TBCCD1: variants seen among roughly 807,000 people sequenced by gnomAD.
The protein encoded by TBCCD1 is TBCC domain-containing protein 1.
In TBCCD1, 26 loss-of-function variants were observed where a neutral mutation model predicts 53.4. That is an observed-to-expected ratio of 0.49 (90% CI 0.36 to 0.68). The LOEUF is 0.68. Ranked by LOEUF, TBCCD1 falls within the 30% of genes least tolerant of loss-of-function variation. TBCCD1 has a pLI of 0.00. For synonymous variants in TBCCD1, 245 were observed against 241.7 expected (o/e 1.01, Z -0.13); for missense variants, 558 against 669.5 (o/e 0.83, Z 1.84).
chr3:186,558,565 A>G lies in TBCCD1; in HGVS notation c.344T>C (p.Val115Ala), dbSNP rs570716144. 5 of 1,612,708 alleles carry G rather than the reference A, an allele frequency of 3.1e-6. No homozygotes were observed. In the African/African-American group the frequency reaches 5.3e-5, roughly 17 times the overall value. Residue 115 changes from valine to alanine, a missense_variant, in exon 3 of 8, where the codon GTG becomes GCG. By Grantham distance (64) the Val-to-Ala change is moderately conservative. Coordinates refer to ENST00000338733, the MANE Select transcript of TBCCD1 (RefSeq NM_018138.5). ...GAAGAGCAGAAACTGTAGCGTGTCCACTGAAAGCTGTCCAAGAAGAAAATA... is the reference window on the plus strand; with the variant it reads ...GAAGAGCAGAAACTGTAGCGTGTCCGCTGAAAGCTGTCCAAGAAGAAAATA... ...EVEKQRNQLS[V>A]DTLQFLLFLY... is the part of the protein sequence containing the mutation.
intron 2 of TBCCD1, among the ~76,000 whole-genome samples, chr3:186,562,152 G>A (rs1042972266): frequency 6.6e-6 from 1 of 152,152 alleles, no homozygotes; most frequent in African/African-American, 2.4e-5. Flanking sequence ...GACCAGCCTG[G>A]GCAACACAGT....
chr3:186,551,403 T>C, intron 6 of TBCCD1, 124 bp from the exon 7 acceptor site: 1 of 1,026,794 alleles, frequency 9.7e-7, no homozygotes, highest in Non-Finnish European at 1.4e-6. Flanking sequence ...TGTTATCCTT[T>C]TGTTCTCACT....
chr3:186,568,991 A>T (rs1386802066), upstream of TBCCD1, among the ~76,000 whole-genome samples: 1 of 152,078 alleles, frequency 6.6e-6, no homozygotes, highest in Non-Finnish European at 1.5e-5. Flanking sequence ...TTGGTCAGGG[A>T]AAGTCCTCCC....
At chr3:186,563,258 A>C (rs1560229522) in intron 2 of TBCCD1, among the ~76,000 whole-genome samples, 1 of 152,230 alleles carries the variant, frequency 6.6e-6, no homozygotes, top group African/African-American at 2.4e-5. Context: ...CTATTACTAT[A>C]ATCAGCCTAC....
intron 3 of TBCCD1, among the ~76,000 whole-genome samples, chr3:186,557,645 A>G (rs1381197902): frequency 6.6e-6 from 1 of 152,230 alleles, no homozygotes; most frequent in Non-Finnish European, 1.5e-5. Context: ...ATTGACCCAG[A>G]CAGAATAGCT....
At position 186,551,538 on chromosome 3, in the gene TBCCD1, T is replaced by C. The variant is rs78652160; in HGVS notation, c.1545-259A>G. ...GAACACTGGGTACTGTTCTGACTGA[T>C]GGGGATAAATGTATAGAGAAGAGAC... On this transcript the variant is annotated intron_variant, in intron 6 of 7. Transcript: ENST00000338733. Among the ~76,000 whole-genome samples the C allele has an allele frequency of 9.0e-4, 137 of 152,318 alleles. 2 individuals are homozygous for C. Among genetic ancestry groups the C allele is most frequent in the Admixed American group, 6.1e-3 (93 of 15,302 alleles).
intron 1 of TBCCD1, among the ~76,000 whole-genome samples, chr3:186,566,087 G>A (rs1024173087): frequency 1.3e-5 from 2 of 151,430 alleles, no homozygotes; most frequent in Non-Finnish European, 2.9e-5. Context: ...GCCCAGGCTG[G>A]AGTGCAATAG....
intron 7 of TBCCD1, among the ~76,000 whole-genome samples, chr3:186,549,890 C>A (rs1714319742): frequency 6.6e-6 from 1 of 152,064 alleles, no homozygotes; most frequent in South Asian, 2.1e-4. Flanking sequence ...TTTCTGTGAA[C>A]TATCTATTAT....
At chr3:186,555,682 C>T (rs1714520678) in intron 4 of TBCCD1, among the ~76,000 whole-genome samples, 1 of 152,120 alleles carries the variant, frequency 6.6e-6, no homozygotes, top group Admixed American at 6.5e-5. Context: ...CCTCAGCGTC[C>T]TGAGGAGCTG....
intron 7 of TBCCD1, among the ~76,000 whole-genome samples, chr3:186,549,626 T>G (rs1714312892): frequency 6.6e-6 from 1 of 152,194 alleles, no homozygotes; most frequent in Non-Finnish European, 1.5e-5. Context: ...CCACTGCACT[T>G]TAGCCTGTAA....
At chr3:186,562,606 C>G (rs75093201) in intron 2 of TBCCD1, among the ~76,000 whole-genome samples, 1 of 152,212 alleles carries the variant, frequency 6.6e-6, no homozygotes, top group African/African-American at 2.4e-5. Context: ...TGAAGATCTA[C>G]TCTACAGCAT....
intron 7 of TBCCD1, among the ~76,000 whole-genome samples, chr3:186,549,612 T>A (rs1218371050): frequency 6.6e-6 from 1 of 152,216 alleles, no homozygotes; most frequent in Non-Finnish European, 1.5e-5. Context: ...GAGCTATGAT[T>A]GTGCCACTGC....
Position 186,554,690 on chromosome 3 carries a change from G to C in TBCCD1, c.1108C>G (p.Leu370Val), listed in dbSNP as rs951771476. 2.5e-6 allele frequency: 4 copies of C among 1,614,202 alleles called. No homozygotes were observed. The highest frequency in any genetic ancestry group is 3.4e-6 in the Non-Finnish European group (4 of 1,180,032). Residue 370 changes from leucine (L) to valine (V), a missense_variant, in exon 6 of 8, where the codon CTT becomes GTT. By Grantham distance (32) the Leu-to-Val change is conservative. Coordinates refer to ENST00000338733, the MANE Select transcript of TBCCD1 (RefSeq NM_018138.5). ...ACATTGTCACAACTGTGGAGGTGAAGTGTAGTCCCTACAGGGCCCAAGACA... is the reference window on the plus strand; with the variant it reads ...ACATTGTCACAACTGTGGAGGTGAACTGTAGTCCCTACAGGGCCCAAGACA... Reference protein sequence around the residue: ...IFVLGPVGTTLHLHSCDNVKV... With the variant: ...IFVLGPVGTTVHLHSCDNVKV...
chr3:186,561,926 G>A lies in TBCCD1; in HGVS notation c.336+2068C>T, dbSNP rs1714701588. On this transcript the variant is annotated intron_variant, in intron 2 of 7. Coordinates refer to ENST00000338733, the MANE Select transcript of TBCCD1 (RefSeq NM_018138.5). ...ATCCTGCAAATACCTGCACTCCCAT[G>A]TTCATTGCAGCATTATTGATAATGG... Among the ~76,000 whole-genome samples the A allele has an allele frequency of 1.3e-5, 2 of 152,244 alleles. 1 individual carries two copies. Among genetic ancestry groups the A allele is most frequent in the South Asian group, 4.1e-4 (2 of 4,836 alleles).
intron 7 of TBCCD1, among the ~76,000 whole-genome samples, chr3:186,550,189 T>C (rs9859377): frequency 0.072 from 10,305 of 142,796 alleles, 419 homozygotes; most frequent in African/African-American, 0.12. Context: ...ATTGTGCCAC[T>C]GCAACTCCAG....
chr3:186,557,548 G>A (rs909607639), intron 3 of TBCCD1, among the ~76,000 whole-genome samples: 14 of 152,188 alleles, frequency 9.2e-5, no homozygotes, highest in African/African-American at 3.4e-4. Context: ...CTCTGGGAAG[G>A]ACACAAAGTT....
At chr3:186,561,811 AT>A (rs1714698832) in intron 2 of TBCCD1, among the ~76,000 whole-genome samples, 1 of 152,074 alleles carries the variant, frequency 6.6e-6, no homozygotes, top group African/African-American at 2.4e-5. Flanking sequence ...AATAAATAGT[AT>A]AGTGGTTTCT....
In TBCCD1 at chr3:186,554,332, A is replaced by G. The variant is rs1714460654; in HGVS notation, c.1466T>C (p.Val489Ala). The change falls in exon 6 of 8, where the codon GTA (valine) becomes GCA (alanine). Residue 489 changes from valine to alanine, a missense_variant. Coordinates refer to ENST00000338733, the MANE Select transcript of TBCCD1 (RefSeq NM_018138.5). ...TTEIPGGLPS[V>A]YQKALGQREQ... ...TCTTTGACCCAGTGCTTTCTGATATACAGATGGAAGACCCCCGGGTATCTC... is the reference window on the plus strand; with the variant it reads ...TCTTTGACCCAGTGCTTTCTGATATGCAGATGGAAGACCCCCGGGTATCTC... The G allele has an allele frequency of 6.2e-7, 1 of 1,614,108 alleles. No homozygotes were observed. Among genetic ancestry groups the G allele is most frequent in the African/African-American group, 1.3e-5 (1 of 74,938 alleles).
intron 6 of TBCCD1, among the ~76,000 whole-genome samples, chr3:186,551,899 C>T (rs1432138106): frequency 1.3e-5 from 2 of 152,160 alleles, no homozygotes; most frequent in South Asian, 2.1e-4. Flanking sequence ...ATCGCTTGAA[C>T]CCAGGAGGTG....
Sources: gnomAD v4.1 joint callset for allele counts (sites outside exome capture counted in the v4.1 genomes callset) on GRCh38, gnomAD v4.1.1 for gene constraint, MANE v1.5 for transcripts, NCBI Gene and HGNC (gene_info 2026-07-23, HGNC 2026-07-21) for gene names.